The following ADAMTS6 variants were observed in gnomAD, a reference collection of about 807,000 sequenced individuals.
ADAMTS6 encodes the protein ADAM metallopeptidase with thrombospondin type 1 motif 6.
ADAMTS6 carries 23 observed loss-of-function variants against 144.3 expected under a neutral mutation model. The observed-to-expected ratio is 0.16, with a 90% CI of 0.11 to 0.23. ADAMTS6 has a LOEUF of 0.23. ADAMTS6 is among the 10% of genes least tolerant of loss of function. ADAMTS6 has a pLI of 1.00. For missense variants in ADAMTS6, 999 were observed against 1,379.6 expected (o/e 0.72, Z 4.37); for synonymous variants, 444 against 457.5 (o/e 0.97, Z 0.38).
chr5:65,445,463 G>A (rs1344298812), intron 7 of ADAMTS6, among the ~76,000 whole-genome samples: 1 of 152,066 alleles, frequency 6.6e-6, no homozygotes, highest in East Asian at 1.9e-4. Context: ...TCAGCATCCT[G>A]AGTATCTGGG....
chr5:65,192,171 C>A (rs1363413818), intron 21 of ADAMTS6, among the ~76,000 whole-genome samples: 1 of 151,948 alleles, frequency 6.6e-6, no homozygotes. Context: ...TTAAATAAAA[C>A]CTAGCCACTG....
At chr5:65,215,261 C>A (rs1476900045) in intron 19 of ADAMTS6, 63 bp downstream of exon 19, 3 of 1,530,230 alleles carry the variant, frequency 2.0e-6, no homozygotes, top group Non-Finnish European at 2.7e-6. Flanking sequence ...TAAAACCTGC[C>A]CCTTCCTACC....
intron 8 of ADAMTS6, among the ~76,000 whole-genome samples, chr5:65,330,385 AT>A (rs1746596122): frequency 6.6e-6 from 1 of 152,156 alleles, no homozygotes; most frequent in Non-Finnish European, 1.5e-5. Flanking sequence ...GCCAAATCAT[AT>A]TTCATGCACA....
At chr5:65,185,833 T>C (rs1754646279) in intron 22 of ADAMTS6, among the ~76,000 whole-genome samples, 2 of 152,208 alleles carry the variant, frequency 1.3e-5, no homozygotes, top group African/African-American at 2.4e-5. Context: ...ATACACAAGC[T>C]ATCTCTCAAG....
At chr5:65,178,528 C>T (rs1754124017) in intron 22 of ADAMTS6, among the ~76,000 whole-genome samples, 2 of 152,338 alleles carry the variant, frequency 1.3e-5, no homozygotes, top group East Asian at 1.9e-4. Flanking sequence ...AAACCCTTTA[C>T]ACCCTATGTG....
intron 20 of ADAMTS6, among the ~76,000 whole-genome samples, chr5:65,208,426 T>C (rs1214505565): frequency 2.0e-5 from 3 of 152,174 alleles, no homozygotes; most frequent in Non-Finnish European, 1.5e-5. Flanking sequence ...CATTGCTCTA[T>C]GGAAGGCATT....
At chr5:65,204,359 C>G (rs1007963719) in intron 20 of ADAMTS6, among the ~76,000 whole-genome samples, 1 of 152,110 alleles carries the variant, frequency 6.6e-6, no homozygotes, top group African/African-American at 2.4e-5. Flanking sequence ...GAACCAACCA[C>G]GAACATGAGT....
At chr5:65,438,442 C>T (rs1371672070) in intron 7 of ADAMTS6, among the ~76,000 whole-genome samples, 4 of 152,100 alleles carry the variant, frequency 2.6e-5, no homozygotes, top group African/African-American at 9.7e-5. Context: ...GCATGAGAAT[C>T]GCTTGAACCA....
At chr5:65,170,003 A>G (rs1020277311) in intron 24 of ADAMTS6, among the ~76,000 whole-genome samples, 12 of 151,978 alleles carry the variant, frequency 7.9e-5, no homozygotes, top group Non-Finnish European at 1.8e-4. Context: ...AACCTGCACA[A>G]TGTGCACATG....
At chr5:65,444,024 A>T (rs1416369925) in intron 7 of ADAMTS6, among the ~76,000 whole-genome samples, 1 of 152,212 alleles carries the variant, frequency 6.6e-6, no homozygotes, top group African/African-American at 2.4e-5. Flanking sequence ...GTCATTCATT[A>T]TTAAAAGGAA....
At chr5:65,237,765 A>AT (rs1170531777) in intron 15 of ADAMTS6, among the ~76,000 whole-genome samples, 19 of 152,134 alleles carry the variant, frequency 1.2e-4, no homozygotes, top group African/African-American at 4.6e-4. Context: ...ATACATCATG[A>AT]TCACATGGGG....
At chr5:65,290,380 G>A (rs778204540) in intron 11 of ADAMTS6, among the ~76,000 whole-genome samples, 5 of 151,902 alleles carry the variant, frequency 3.3e-5, no homozygotes, top group African/African-American at 7.3e-5. Context: ...GCAAAACCCC[G>A]TCTCTACTAA....
chr5:65,473,609 T>C lies in ADAMTS6; in HGVS notation c.65A>G (p.His22Arg). Reference protein sequence around the residue: ...LSLIMASSEFHSDHRLSYSSQ... With the variant: ...LSLIMASSEFRSDHRLSYSSQ... ...ACTGTATGAAAGCCTGTGGTCACTA[T>C]GAAATTCCGATGAAGCCATGATGAG... Residue 22 changes from histidine to arginine, a missense_variant, in exon 2 of 25, where the codon CAT becomes CGT. Physicochemically the swap from His to Arg is conservative, Grantham distance 29. Coordinates refer to ENST00000381055, the MANE Select transcript of ADAMTS6 (RefSeq NM_197941.4). 6.2e-7 allele frequency: 1 copy of C among 1,613,836 alleles called. No homozygotes were observed. The highest frequency in any genetic ancestry group is 1.1e-5 in the South Asian group (1 of 91,064).
chr5:65,320,996 G>A (rs1580386191), intron 9 of ADAMTS6, among the ~76,000 whole-genome samples: 1 of 152,028 alleles, frequency 6.6e-6, no homozygotes. Context: ...TTGTGCATAG[G>A]GCTGCAATGA....
chr5:65,224,265 A>G (rs377075208), intron 18 of ADAMTS6, 55 bp downstream of exon 18: 1 of 1,429,026 alleles, frequency 7.0e-7, no homozygotes, highest in Non-Finnish European at 9.9e-7. Context: ...ATACTGTGCT[A>G]CTTTTCCTCA....
chr5:65,412,549 T>A (rs1335538019), intron 7 of ADAMTS6, among the ~76,000 whole-genome samples: 1 of 152,154 alleles, frequency 6.6e-6, no homozygotes, highest in Non-Finnish European at 1.5e-5. Flanking sequence ...CAGTGTATTA[T>A]AAGCTATTTT....
chr5:65,418,758 A>G (rs1167446633), intron 7 of ADAMTS6, among the ~76,000 whole-genome samples: 2 of 152,214 alleles, frequency 1.3e-5, no homozygotes, highest in Non-Finnish European at 2.9e-5. Context: ...GACACTTCTC[A>G]AAAGAGGACA....
intron 7 of ADAMTS6, among the ~76,000 whole-genome samples, chr5:65,397,589 G>C (rs1753455648): frequency 1.3e-5 from 2 of 151,882 alleles, no homozygotes; most frequent in South Asian, 4.2e-4. Context: ...GAAGTATGTT[G>C]TTTATGGCCA....
At chr5:65,395,640 A>G (rs1753273861) in intron 7 of ADAMTS6, among the ~76,000 whole-genome samples, 1 of 152,174 alleles carries the variant, frequency 6.6e-6, no homozygotes, top group African/African-American at 2.4e-5. Flanking sequence ...TGCCTCCCCA[A>G]CCATTGGAAT....
Sources: allele counts gnomAD v4.1 joint callset (sites outside exome capture counted in the v4.1 genomes callset), GRCh38; gene constraint gnomAD v4.1.1; transcripts MANE v1.5; gene names NCBI Gene and HGNC (gene_info 2026-07-23, HGNC 2026-07-21).